DMC1: variants seen among roughly 807,000 people sequenced by gnomAD.
DMC1 encodes the protein DNA meiotic recombinase 1.
Under a neutral mutation model 50.1 loss-of-function variants are expected in DMC1, and 27 were observed. The observed-to-expected ratio is 0.54, with a 90% CI of 0.40 to 0.74. The LOEUF is 0.74. Ranked by LOEUF, DMC1 falls within the 30% of genes least tolerant of loss-of-function variation. DMC1 has a pLI of 0.00. For missense variants in DMC1, 295 were observed against 420.2 expected (o/e 0.70, Z 2.60); for synonymous variants, 148 against 136.1 (o/e 1.09, Z -0.61).
At chr22:38,510,590 A>G in the DMC1 span, among the ~76,000 whole-genome samples, 1 of 152,228 alleles carries the variant, frequency 6.6e-6, no homozygotes, top group Admixed American at 6.5e-5. Context: ...CAGACCCTTC[A>G]GCCAGCCTAC....
intron 12 of DMC1, among the ~76,000 whole-genome samples, chr22:38,523,738 A>G (rs1018080258): frequency 1.3e-5 from 2 of 152,016 alleles, no homozygotes; most frequent in Non-Finnish European, 2.9e-5. Context: ...ACTGTACTCT[A>G]GCCTGGGTGA....
chr22:38,546,449 C>T (rs1251208255), intron 8 of DMC1, among the ~76,000 whole-genome samples: 3 of 152,044 alleles, frequency 2.0e-5, no homozygotes, highest in African/African-American at 7.2e-5. Flanking sequence ...AACAATTCTT[C>T]CCTCTCTGAG....
intron 7 of DMC1, 105 bp downstream of exon 7, chr22:38,552,561 G>C (rs1234407964): frequency 1.2e-5 from 11 of 898,222 alleles, no homozygotes; most frequent in Non-Finnish European, 1.8e-5. Flanking sequence ...TAGTTTCCTT[G>C]CAAGTATGTT....
At chr22:38,530,597 A>T (rs549582955) in intron 12 of DMC1, among the ~76,000 whole-genome samples, 1 of 152,280 alleles carries the variant, frequency 6.6e-6, no homozygotes, top group South Asian at 2.1e-4. Context: ...GATGATGCAT[A>T]AAAGCACCTG....
intron 8 of DMC1, chr22:38,545,802 A>G (rs1569162749): frequency 1.3e-5 from 2 of 152,206 alleles, no homozygotes; most frequent in South Asian, 4.1e-4. Flanking sequence ...ACCAATTACC[A>G]TATGGAATTA....
At chr22:38,566,800 T>C in intron 3 of DMC1, 64 bp from the exon 4 acceptor site, 1 of 1,534,308 alleles carries the variant, frequency 6.5e-7, no homozygotes, top group Non-Finnish European at 9.0e-7. Flanking sequence ...TCCCATACTA[T>C]GTCATGTGTT....
At chr22:38,555,041 G>A (rs545713955) in intron 6 of DMC1, among the ~76,000 whole-genome samples, 48 of 148,766 alleles carry the variant, frequency 3.2e-4, no homozygotes, top group Admixed American at 2.7e-3. Context: ...CCGAGATTGC[G>A]CCACTGCACT....
chr22:38,563,872 T>C (rs1469561747), intron 4 of DMC1, among the ~76,000 whole-genome samples: 1 of 152,022 alleles, frequency 6.6e-6, no homozygotes, highest in Non-Finnish European at 1.5e-5. Flanking sequence ...GCTAATATTT[T>C]TGTATTTTTA....
Position 38,539,334 on chromosome 22 carries a change from T to G in DMC1, c.573A>C (p.Ala191=). The G allele has an allele frequency of 6.2e-7, 1 of 1,613,786 alleles. No homozygotes were observed. Among genetic ancestry groups the G allele is most frequent in the Non-Finnish European group, 8.5e-7 (1 of 1,179,700 alleles). ...TGGGGCTCTTACTAGTATATGCACGTGCATAAAGTACGTTGTCCAGTACTG... is the reference window on the plus strand; with the variant it reads ...TGGGGCTCTTACTAGTATATGCACGGGCATAAAGTACGTTGTCCAGTACTG... The part of the protein sequence containing the change: ...HDAVLDNVLY[A]RAYTSEHQME... Residue 191 remains alanine, a synonymous_variant, in exon 9 of 14, where the codon GCA becomes GCC. Transcript: ENST00000216024.
intron 8 of DMC1, among the ~76,000 whole-genome samples, chr22:38,542,449 T>C (rs1268518923): frequency 6.6e-6 from 1 of 152,184 alleles, no homozygotes; most frequent in African/African-American, 2.4e-5. Context: ...TAATCCCATT[T>C]ACAATAGCTA....
chr22:38,561,786 G>A (rs1602772099), intron 5 of DMC1, among the ~76,000 whole-genome samples: 1 of 152,194 alleles, frequency 6.6e-6, no homozygotes, highest in Admixed American at 6.5e-5. Context: ...ATTCTTTCTA[G>A]TAAGGTAGGG....
chr22:38,561,071 C>T (rs1002660462), intron 5 of DMC1, among the ~76,000 whole-genome samples: 1 of 151,968 alleles, frequency 6.6e-6, no homozygotes, highest in African/African-American at 2.4e-5. Flanking sequence ...GATCGCGGCT[C>T]ACTAGAGCCT....
rs2090238840 is a variant in DMC1, at chr22:38,538,328, G to A, written c.742C>T (p.Gln248Ter). 6.2e-7 allele frequency: 1 copy of A among 1,613,820 alleles called. No homozygotes were observed. The highest frequency in any genetic ancestry group is 8.5e-7 in the Non-Finnish European group (1 of 1,179,992). ...ELAERQQKLA[Q>*]MLSRLQKISE... Reference sequence around the variant, plus strand: ...ATTTTTTGGAGTCGTGACAACATCTGGGCCAATTTTTGCTGCCGTTCGGCC... The same window carrying A: ...ATTTTTTGGAGTCGTGACAACATCTAGGCCAATTTTTGCTGCCGTTCGGCC... Residue 248 changes from glutamine (Q) to a stop codon, truncating the protein, a stop_gained, in exon 11 of 14, where the codon CAG becomes TAG. Transcript: ENST00000216024. LOFTEE classifies it high-confidence loss of function.
At chr22:38,512,119 C>A in the DMC1 span, among the ~76,000 whole-genome samples, 1 of 151,982 alleles carries the variant, frequency 6.6e-6, no homozygotes, top group Non-Finnish European at 1.5e-5. Context: ...GGAGTACAGG[C>A]GCATGCCACC....
the DMC1 span, among the ~76,000 whole-genome samples, chr22:38,512,349 C>T: frequency 6.6e-6 from 1 of 152,060 alleles, no homozygotes; most frequent in African/African-American, 2.4e-5. Flanking sequence ...AATGAGCTGA[C>T]CTTGAAGACG....
At chr22:38,513,560 TTC>T in the DMC1 span, among the ~76,000 whole-genome samples, 2 of 151,800 alleles carry the variant, frequency 1.3e-5, no homozygotes, top group African/African-American at 4.8e-5. Flanking sequence ...CTCTTTCTCT[TTC>T]TCTCTCTCTT....
intron 13 of DMC1, 42 bp downstream of exon 13, chr22:38,521,565 AC>A (rs750481813): frequency 5.3e-6 from 6 of 1,122,934 alleles, no homozygotes; most frequent in Non-Finnish European, 8.0e-6. Context: ...ACACACACAC[AC>A]ACACACACAC....
At chr22:38,517,768 G>C (rs141361429), downstream of DMC1, among the ~76,000 whole-genome samples, 63 of 152,278 alleles carry the variant, frequency 4.1e-4, 1 homozygote, top group East Asian at 0.011. Flanking sequence ...TCTGCTCCTA[G>C]ATGACTTTAT....
chr22:38,529,276 T>G (rs1009980694), intron 12 of DMC1, among the ~76,000 whole-genome samples: 1 of 152,180 alleles, frequency 6.6e-6, no homozygotes, highest in African/African-American at 2.4e-5. Context: ...CCCAAAGCAC[T>G]GGGATTACAG....
Sources: allele counts gnomAD v4.1 joint callset (sites outside exome capture counted in the v4.1 genomes callset), GRCh38; gene constraint gnomAD v4.1.1; transcripts MANE v1.5; gene names NCBI Gene and HGNC (gene_info 2026-07-23, HGNC 2026-07-21).